The following FTSJ3 variants were observed in gnomAD, a reference collection of about 807,000 sequenced individuals.
FTSJ3 encodes pre-rRNA 2'-O-ribose RNA methyltransferase FTSJ3.
In FTSJ3, 46 loss-of-function variants were observed where a neutral mutation model predicts 111.5. That is an observed-to-expected ratio of 0.41 (90% CI 0.33 to 0.53). FTSJ3 has a LOEUF of 0.53. FTSJ3 is among the 20% of genes least tolerant of loss of function. The probability of loss-of-function intolerance (pLI) is 0.19; values close to 1 mark genes in which losing one functional copy is unlikely to be tolerated. For missense variants in FTSJ3, 1,075 were observed against 1,063.8 expected, an observed-to-expected ratio of 1.01 and a Z score of -0.15; for synonymous variants, 408 against 383.0, an observed-to-expected ratio of 1.07 and a Z score of -0.76.
In FTSJ3 at chr17:63,821,412, C is replaced by T. The variant is rs1166389706; in HGVS notation, c.1828G>A (p.Glu610Lys). The T allele has an allele frequency of 6.2e-7, 1 of 1,614,116 alleles. No individual in the cohort carries two copies. The highest frequency in any genetic ancestry group is 1.1e-5 in the South Asian group (1 of 91,074). Residue 610 changes from glutamate (E) to lysine (K), a missense_variant, in exon 16 of 21, where the codon GAA becomes AAA. Coordinates refer to ENST00000427159, the MANE Select transcript of FTSJ3 (RefSeq NM_017647.4). ...CTGTCTGAGATGCCATCCTTTTCTT[C>T]CCCTTCAAGGCCAGTGGCAGCTTCT... ...GTEAATGLEG[E>K]EKDGISDSDS...
In FTSJ3 at chr17:63,820,368, G is replaced by C; in HGVS notation, c.2143C>G (p.Arg715Gly). 1 of 1,614,048 alleles carries C rather than the reference G, an allele frequency of 6.2e-7. No homozygotes were observed. Among genetic ancestry groups the C allele is most frequent in the East Asian group, 2.2e-5 (1 of 44,880 alleles). Residue 715 changes from arginine (R) to glycine (G), a missense_variant, in exon 19 of 21, where the codon CGA becomes GGA. Physicochemically the swap from Arg to Gly is moderately radical, Grantham distance 125. This residue lies in a region of FTSJ3 where 867 missense variants were observed against 796.9 expected (regional missense o/e 1.09). Transcript: ENST00000427159. ...TCCTTCTTACCAACAGGCAACTGTCGTATCCGGTGCTGCTTTTCCTCTTGC... is the reference window on the plus strand; with the variant it reads ...TCCTTCTTACCAACAGGCAACTGTCCTATCCGGTGCTGCTTTTCCTCTTGC... ...FVQEEKQHRIRQLPVGKKEVE... is the reference protein window; with the variant it reads ...FVQEEKQHRIGQLPVGKKEVE...
At chr17:63,825,509 G>C (rs766974245) in intron 6 of FTSJ3, 27 bp downstream of exon 6, 22 of 1,611,940 alleles carry the variant, frequency 1.4e-5, no homozygotes, top group Non-Finnish European at 1.8e-5. Flanking sequence ...ACCATCACCT[G>C]ATCTCCAAGC....
chr17:63,822,261 C>T, intron 13 of FTSJ3, 93 bp from the exon 14 acceptor site: 3 of 1,033,960 alleles, frequency 2.9e-6, no homozygotes, highest in Middle Eastern at 2.3e-4. Context: ...CTCAGCAACA[C>T]TAGAAAGAAC....
chr17:63,825,942 G>A, intron 5 of FTSJ3, 114 bp downstream of exon 5: 9 of 833,548 alleles, frequency 1.1e-5, no homozygotes, highest in South Asian at 3.3e-5. Context: ...TCGTACAGAT[G>A]TCAGGCAAGA....
At position 63,824,073 on chromosome 17, in the gene FTSJ3, G is replaced by C; in HGVS notation, c.1154+11C>G. ...TTGGGGAACTCCAAGCTCTACCCCA[G>C]CTCCTTTCACCTCTTCAATTCCGCC... On this transcript the variant is annotated intron_variant, in intron 12 of 20. Transcript: ENST00000427159. 1 of 1,614,052 alleles carries C rather than the reference G, an allele frequency of 6.2e-7. No homozygotes were observed. The highest frequency in any genetic ancestry group is 8.5e-7 in the Non-Finnish European group (1 of 1,179,976).
In FTSJ3 at chr17:63,819,489, C is replaced by T. The variant is rs755090968; in HGVS notation, c.*313G>A. ...ATGGGGGTGGGGAGGGCTTAAGTGG[C>T]CCACACGTCCAGGTGTAGACTGACT... On this transcript the variant is annotated 3_prime_UTR_variant, in exon 21 of 21. Coordinates refer to ENST00000427159, the MANE Select transcript of FTSJ3 (RefSeq NM_017647.4). The T allele has an allele frequency of 7.1e-6, 2 of 283,590 alleles. No homozygotes were observed. The highest frequency in any genetic ancestry group is 1.3e-5 in the Non-Finnish European group (2 of 150,940). 17.6% of individuals were successfully genotyped at this position (283,590 alleles called of 1,614,324 possible).
chr17:63,820,470 A>C, intron 18 of FTSJ3, 32 bp from the exon 19 acceptor site: 1 of 1,603,532 alleles, frequency 6.2e-7, no homozygotes, highest in African/African-American at 1.3e-5. Context: ...CTAATATCCA[A>C]CATTCCAGGC....
At position 63,820,383 on chromosome 17, in the gene FTSJ3, T is replaced by C; in HGVS notation, c.2128A>G (p.Lys710Glu). Reference protein sequence around the residue: ...ELPEWFVQEEKQHRIRQLPVG... With the variant: ...ELPEWFVQEEEQHRIRQLPVG... ...GGCAACTGTCGTATCCGGTGCTGCT[T>C]TTCCTCTTGCACAAACCACTCCGGA... The change falls in exon 19 of 21, where the codon AAG (lysine) becomes GAG (glutamate). Residue 710 changes from lysine to glutamate, a missense_variant. By Grantham distance (56) the Lys-to-Glu change is moderately conservative. Transcript: ENST00000427159. 5 of 1,614,158 alleles carry C rather than the reference T, an allele frequency of 3.1e-6. No individual in the cohort carries two copies. Among genetic ancestry groups the C allele is most frequent in the Non-Finnish European group, 4.2e-6 (5 of 1,180,032 alleles).
rs2040107404 is a variant in FTSJ3 at position 63,826,617 on chromosome 17, G to C, written c.123C>G (p.Phe41Leu). 1.2e-6 allele frequency: 2 copies of C among 1,614,130 alleles called. No homozygotes were observed. Among genetic ancestry groups the C allele is most frequent in the Non-Finnish European group, 1.7e-6 (2 of 1,180,002 alleles). Residue 41 changes from phenylalanine (F) to leucine (L), a missense_variant, in exon 3 of 21, where the codon TTC becomes TTG. Phe to Leu is a conservative substitution (Grantham distance 22, BLOSUM62 0). Around this residue, in one of 2 missense-constraint regions of FTSJ3, gnomAD observed 208 missense variants for 266.9 expected, o/e 0.78. Transcript: ENST00000427159. ...CCAGCAAGGCTCGGGCTTTCTGCAGGAACTGAAAGCGGCGATTGAGCTGGA... is the reference window on the plus strand; with the variant it reads ...CCAGCAAGGCTCGGGCTTTCTGCAGCAACTGAAAGCGGCGATTGAGCTGGA... ...KLIQLNRRFQ[F>L]LQKARALLDL...
Position 63,825,539 on chromosome 17 carries a change from G to A in FTSJ3, c.397C>T (p.Gln133Ter). Residue 133 changes from glutamine (Q) to a stop codon, truncating the protein, a stop_gained, in exon 6 of 21, where the codon CAA becomes TAA. Transcript: ENST00000427159. LOFTEE classifies it high-confidence loss of function. ...CCAAGCACCACACTCCCTGTACCTT[G>A]TGAGTAAGCATCATGGACCCAGCTA... ...GASWVHDAYS[Q>*]AHLTLMALRL... The A allele has an allele frequency of 6.2e-7, 1 of 1,613,964 alleles. No homozygotes were observed. Among genetic ancestry groups the A allele is most frequent in the Non-Finnish European group, 8.5e-7 (1 of 1,179,818 alleles).
At chr17:63,824,583 T>A in intron 10 of FTSJ3, 54 bp downstream of exon 10, 2 of 1,489,766 alleles carry the variant, frequency 1.3e-6, no homozygotes, top group Non-Finnish European at 1.9e-6. Flanking sequence ...TCCAACATCA[T>A]GGCCTTTCCC....
intron 13 of FTSJ3, chr17:63,823,583 A>C: frequency 2.2e-6 from 1 of 453,124 alleles, no homozygotes; most frequent in Non-Finnish European, 3.8e-6. Context: ...CAACAGAGCA[A>C]GACTCCGTCT....
rs776670113 is a variant in FTSJ3, at chr17:63,821,792, A to G, written c.1527T>C (p.Asn509=). ...TTTCCTCCAGTGGTACCAGCAGTGG[A>G]TTCTCCTCCTCCTCCTCCTCTTTAT... ...QDDKEEEEEE[N]PLLVPLEEKA... The change falls in exon 15 of 21, where the codon AAT becomes AAC. Residue 509 remains asparagine (N), a synonymous_variant. Transcript: ENST00000427159. The G allele has an allele frequency of 3.4e-5, 55 of 1,613,750 alleles. No homozygotes were observed. Among genetic ancestry groups the G allele is most frequent in the South Asian group, 2.5e-4 (23 of 91,070 alleles).
intron 1 of FTSJ3, 44 bp downstream of exon 1, chr17:63,826,995 CTTCCAGTTTCCCA>C: frequency 1.0e-6 from 1 of 985,888 alleles, no homozygotes; most frequent in Non-Finnish European, 1.6e-6. Context: ...CAGTTTCCCA[CTTCCAGTTTCCCA>C]CTTCCCGCAG....
rs761472508 is a variant in FTSJ3, at chr17:63,822,079, A to G, written c.1380T>C (p.Val460=). 1 of 1,614,198 alleles carries G rather than the reference A, an allele frequency of 6.2e-7. No individual in the cohort carries two copies. Among genetic ancestry groups the G allele is most frequent in the East Asian group, 2.2e-5 (1 of 44,882 alleles). Residue 460 remains valine, a synonymous_variant, in exon 14 of 21, where the codon GTT becomes GTC. Coordinates refer to ENST00000427159, the MANE Select transcript of FTSJ3 (RefSeq NM_017647.4). The part of the protein sequence containing the change: ...LPRDDIYVSD[V]EDDGDDTSLD... ...GAGATGTGTCATCACCGTCGTCCTC[A>G]ACATCTGACACATAGATATCATCCC...
In FTSJ3 at chr17:63,820,382, T is replaced by G; in HGVS notation, c.2129A>C (p.Lys710Thr). ...AGGCAACTGTCGTATCCGGTGCTGC[T>G]TTTCCTCTTGCACAAACCACTCCGG... ...ELPEWFVQEE[K>T]QHRIRQLPVG... Residue 710 changes from lysine (K) to threonine (T), a missense_variant, in exon 19 of 21, where the codon AAG becomes ACG. By Grantham distance (78) the Lys-to-Thr change is moderately conservative (BLOSUM62 -1). Coordinates refer to ENST00000427159, the MANE Select transcript of FTSJ3 (RefSeq NM_017647.4). 1 of 1,614,124 alleles carries G rather than the reference T, an allele frequency of 6.2e-7. No individual in the cohort carries two copies. Among genetic ancestry groups the G allele is most frequent in the South Asian group, 1.1e-5 (1 of 91,074 alleles).
Position 63,820,783 on chromosome 17 carries a change from T to G in FTSJ3, c.2072+56A>C, listed in dbSNP as rs1426062611. 52 of 1,304,834 alleles carry G rather than the reference T, an allele frequency of 4.0e-5. 1 individual carries two copies. The East Asian group carries it at 1.1e-3, about 27-fold the overall frequency. 80.8% of individuals were successfully genotyped at this position (1,304,834 alleles called of 1,614,324 possible). A position where few individuals can be genotyped will look rare whatever the true frequency, so the allele number is the denominator to read the frequency against. ...AGACTCCATCTCAAAAACAAAAAAT[T>G]ACCCATTTACCCACCAGACCCTGGG... is the stretch of plus-strand genomic sequence containing the variant. On this transcript the variant is annotated intron_variant, in intron 18 of 20. Transcript: ENST00000427159.
chr17:63,826,357 G>C (rs1376488895), intron 3 of FTSJ3, 53 bp from the exon 4 acceptor site: 2 of 1,546,760 alleles, frequency 1.3e-6, no homozygotes, highest in African/African-American at 2.7e-5. Context: ...TCCCCCTCTT[G>C]GCAACTGATC....
At chr17:63,825,871 C>A in intron 5 of FTSJ3, 185 bp downstream of exon 5, 2 of 639,892 alleles carry the variant, frequency 3.1e-6, no homozygotes, top group Non-Finnish European at 5.4e-6. Flanking sequence ...CAATTCCAAA[C>A]ACCTTTATCC....
Sources: allele counts gnomAD v4.1 joint callset, GRCh38; gene constraint gnomAD v4.1.1; regional missense constraint gnomAD v4.1.1; transcripts MANE v1.5; gene names NCBI Gene and HGNC (gene_info 2026-07-23, HGNC 2026-07-21).